Variants in GPM6A observed in about 807,000 individuals in gnomAD.
GPM6A encodes the protein neuronal membrane glycoprotein M6-a.
GPM6A carries 7 observed loss-of-function variants against 32.1 expected under a neutral mutation model. The ratio of observed to expected loss-of-function variants is 0.22; its 90% CI spans 0.12 to 0.41. The LOEUF is 0.41. Among genes scored for constraint, GPM6A ranks in the 10% least tolerant of loss-of-function variants. GPM6A has a pLI of 1.00. For synonymous variants in GPM6A, 130 were observed against 123.4 expected, an observed-to-expected ratio of 1.05 and a Z score of -0.35; for missense variants, 235 against 347.2, an observed-to-expected ratio of 0.68 and a Z score of 2.57.
intron 3 of GPM6A, among the ~76,000 whole-genome samples, chr4:175,655,155 A>T (rs900978350): frequency 6.6e-6 from 1 of 152,156 alleles, no homozygotes; most frequent in Non-Finnish European, 1.5e-5. Flanking sequence ...ACAAAGCTGG[A>T]TGATATAGAG....
intron 2 of GPM6A, among the ~76,000 whole-genome samples, chr4:175,693,926 AAGTG>A (rs1205254034): frequency 6.6e-6 from 1 of 152,152 alleles, no homozygotes; most frequent in African/African-American, 2.4e-5. Flanking sequence ...ATTCTTGTGA[AAGTG>A]AGTGAGTGAG....
chr4:175,859,180 T>C (rs1736501563), intron 1 of GPM6A, among the ~76,000 whole-genome samples: 1 of 152,194 alleles, frequency 6.6e-6, no homozygotes, highest in Non-Finnish European at 1.5e-5. Flanking sequence ...CATGGATGTA[T>C]AAATATGTTG....
intron 1 of GPM6A, among the ~76,000 whole-genome samples, chr4:175,824,112 C>T (rs573746289): frequency 1.1e-4 from 17 of 152,318 alleles, no homozygotes; most frequent in Admixed American, 5.2e-4. Flanking sequence ...GTTCCAGAAA[C>T]ACCCGGAAAA....
intron 1 of GPM6A, among the ~76,000 whole-genome samples, chr4:175,848,566 G>C (rs1736159160): frequency 6.6e-6 from 1 of 152,098 alleles, no homozygotes; most frequent in Non-Finnish European, 1.5e-5. Flanking sequence ...TTAGAGACTA[G>C]AGTTACACAT....
At chr4:175,664,518 T>G (rs1742623300) in intron 3 of GPM6A, among the ~76,000 whole-genome samples, 1 of 152,228 alleles carries the variant, frequency 6.6e-6, no homozygotes, top group African/African-American at 2.4e-5. Flanking sequence ...TAAAGTTAAC[T>G]TTTAAAAACT....
rs558986437 is a variant in GPM6A at position 175,691,139 on chromosome 4, TCTTA to T, written c.230+10432_230+10435del. On this transcript the variant is annotated intron_variant, in intron 2 of 6. Coordinates refer to ENST00000393658, the MANE Select transcript of GPM6A (RefSeq NM_201591.3). ...AAATATTAAATTAGGAAAATTAAAC[TCTTA>T]CTTATCTACGTGAGGATGAATTTTT... Among the ~76,000 whole-genome samples the T allele has an allele frequency of 2.5e-3, 376 of 152,312 alleles. 2 individuals carry two copies. Among genetic ancestry groups the T allele is most frequent in the African/African-American group, 3.0e-3 (124 of 41,582 alleles).
At chr4:175,959,644 CAA>C (rs1358081034) in intron 1 of GPM6A, among the ~76,000 whole-genome samples, 3 of 152,134 alleles carry the variant, frequency 2.0e-5, no homozygotes, top group Non-Finnish European at 4.4e-5. Flanking sequence ...CTCTGTGTGA[CAA>C]AAGAGTCAAT....
At chr4:175,635,971 G>A (rs548801216) in intron 6 of GPM6A, among the ~76,000 whole-genome samples, 82 of 151,846 alleles carry the variant, frequency 5.4e-4, no homozygotes, top group South Asian at 2.1e-4. Flanking sequence ...AAGAGGAGGC[G>A]GGCTGGTTCT....
chr4:175,747,255 C>G (rs1251226564), intron 1 of GPM6A, among the ~76,000 whole-genome samples: 3 of 113,420 alleles, frequency 2.6e-5, no homozygotes, highest in African/African-American at 1.1e-4. Flanking sequence ...GGTGACAGAG[C>G]AAGACTCCAT....
intron 1 of GPM6A, among the ~76,000 whole-genome samples, chr4:175,766,011 TC>T (rs1427692972): frequency 6.6e-6 from 1 of 152,212 alleles, no homozygotes; most frequent in African/African-American, 2.4e-5. Context: ...CATTAGGGTG[TC>T]CTTTGAAATG....
intron 1 of GPM6A, among the ~76,000 whole-genome samples, chr4:175,793,448 C>T (rs1412229961): frequency 1.3e-5 from 2 of 152,160 alleles, no homozygotes; most frequent in Admixed American, 6.5e-5. Flanking sequence ...GCGATCTCGG[C>T]TCACTGCAAC....
At chr4:175,677,295 T>C (rs1432137756) in intron 2 of GPM6A, among the ~76,000 whole-genome samples, 3 of 152,218 alleles carry the variant, frequency 2.0e-5, no homozygotes, top group Non-Finnish European at 4.4e-5. Context: ...TGAAATGTTA[T>C]GTTTCGGTAC....
At chr4:175,915,561 T>C (rs1304725858) in intron 1 of GPM6A, among the ~76,000 whole-genome samples, 2 of 152,074 alleles carry the variant, frequency 1.3e-5, no homozygotes, top group African/African-American at 4.8e-5. Context: ...CTCCTTGGCC[T>C]CCCAAAGTGC....
intron 2 of GPM6A, among the ~76,000 whole-genome samples, chr4:175,688,530 T>C (rs767916666): frequency 1.1e-4 from 17 of 152,224 alleles, no homozygotes; most frequent in Non-Finnish European, 2.2e-4. Flanking sequence ...GGTTGTCTAC[T>C]GTGCTATGGT....
intron 1 of GPM6A, among the ~76,000 whole-genome samples, chr4:175,740,044 G>A (rs1467002857): frequency 6.6e-6 from 1 of 151,962 alleles, no homozygotes; most frequent in Non-Finnish European, 1.5e-5. Context: ...AGAAAATATT[G>A]TCTCTAAGAC....
In GPM6A at chr4:175,634,448, G is replaced by A. The variant is rs979588079; in HGVS notation, c.*457C>T. 8.4e-5 allele frequency: 13 copies of A among 154,200 alleles called. No individual in the cohort carries two copies. Among genetic ancestry groups the A allele is most frequent in the Non-Finnish European group, 1.7e-4 (12 of 69,392 alleles). The allele number at this position is 154,200 out of a possible 1,614,324, so 9.6% of individuals were successfully genotyped here. On this transcript the variant is annotated 3_prime_UTR_variant, in exon 7 of 7. Transcript: ENST00000393658. ...CATCAAGATGTAATCTCTATCTATT[G>A]TTCATAATGTACAATGGTCCCTTTG...
chr4:175,910,801 T>C (rs1258496682), intron 1 of GPM6A, among the ~76,000 whole-genome samples: 1 of 152,206 alleles, frequency 6.6e-6, no homozygotes, highest in African/African-American at 2.4e-5. Context: ...GGCCAGATAA[T>C]AAATATTTTA....
chr4:175,648,424 G>A (rs143064114), intron 4 of GPM6A, among the ~76,000 whole-genome samples: 1 of 152,260 alleles, frequency 6.6e-6, no homozygotes, highest in East Asian at 1.9e-4. Flanking sequence ...GACAGAAAAT[G>A]GACTGCCATC....
intron 1 of GPM6A, among the ~76,000 whole-genome samples, chr4:175,719,322 C>A (rs2111110644): frequency 6.6e-6 from 1 of 152,118 alleles, no homozygotes; most frequent in African/African-American, 2.4e-5. Context: ...CCTCAGCCTC[C>A]CGAGTAGCTG....
Sources: allele counts gnomAD v4.1 joint callset (sites outside exome capture counted in the v4.1 genomes callset), GRCh38; gene constraint gnomAD v4.1.1; transcripts MANE v1.5; gene names NCBI Gene and HGNC (gene_info 2026-07-23, HGNC 2026-07-21).